Variants in FIBCD1 observed in about 807,000 individuals in gnomAD.
FIBCD1 encodes the protein fibrinogen C domain-containing protein 1.
In FIBCD1, 47 loss-of-function variants were observed where a neutral mutation model predicts 45.1. The observed-to-expected ratio is 1.04, with a 90% CI of 0.82 to 1.33. FIBCD1 has a LOEUF of 1.33. Ranked by LOEUF, FIBCD1 falls within the 40% of genes most tolerant of loss-of-function variation. FIBCD1 has a pLI of 0.00. For missense variants in FIBCD1, 653 were observed against 682.2 expected (o/e 0.96, Z 0.48); for synonymous variants, 313 against 308.1 (o/e 1.02, Z -0.17).
At chr9:130,911,218 G>A (rs1320450840) in intron 5 of FIBCD1, among the ~76,000 whole-genome samples, 2 of 152,152 alleles carry the variant, frequency 1.3e-5, no homozygotes, top group African/African-American at 2.4e-5. Context: ...CCACCAGAAG[G>A]AAGAAACTCC....
At chr9:130,937,504 G>A (rs945598003) in intron 1 of FIBCD1, among the ~76,000 whole-genome samples, 3 of 152,230 alleles carry the variant, frequency 2.0e-5, no homozygotes, top group Non-Finnish European at 4.4e-5. Flanking sequence ...TGTCACACCA[G>A]GAAGAATGAG....
chr9:130,918,379 G>T (rs1832201535), intron 4 of FIBCD1, among the ~76,000 whole-genome samples: 1 of 152,182 alleles, frequency 6.6e-6, no homozygotes. Context: ...ATGGGGGGTG[G>T]GTGGGTCCAA....
intron 5 of FIBCD1, among the ~76,000 whole-genome samples, chr9:130,909,080 C>T (rs959212497): frequency 6.6e-6 from 1 of 152,114 alleles, no homozygotes; most frequent in Non-Finnish European, 1.5e-5. Context: ...CGCAGGCCCA[C>T]CCTCTCCTTC....
At chr9:130,939,572 G>T (rs1039890936), upstream of FIBCD1, among the ~76,000 whole-genome samples, 4 of 151,998 alleles carry the variant, frequency 2.6e-5, no homozygotes, top group Non-Finnish European at 4.4e-5. Context: ...TGCCCGGGCG[G>T]CCCGTGGGCG....
chr9:130,929,431 T>C (rs776087375), intron 2 of FIBCD1, 136 bp downstream of exon 2: 30 of 1,165,960 alleles, frequency 2.6e-5, no homozygotes, highest in Non-Finnish European at 3.2e-5. Context: ...TGTCTGTAGA[T>C]GGGAACAGCA....
At chr9:130,925,131 C>T (rs931820506) in intron 2 of FIBCD1, among the ~76,000 whole-genome samples, 7 of 152,176 alleles carry the variant, frequency 4.6e-5, no homozygotes, top group Non-Finnish European at 8.8e-5. Context: ...CCCACCCCCA[C>T]TCCCCATGCA....
Position 130,902,854 on chromosome 9 carries a change from C to G in FIBCD1, c.*1210G>C, listed in dbSNP as rs1156984015. The G allele has an allele frequency of 6.6e-6, 1 of 152,394 alleles. No individual in the cohort carries two copies. The highest frequency in any genetic ancestry group is 1.9e-4 in the East Asian group (1 of 5,204). 9.4% of individuals were successfully genotyped at this position (152,394 alleles called of 1,614,324 possible). On this transcript the variant is annotated 3_prime_UTR_variant, in exon 7 of 7. Transcript: ENST00000372338. ...CGGGTCTCACCTCTGCATGTGTGCA[C>G]ACAAGGAGTGGGGATGACAGCGTGC...
chr9:130,910,975 TC>T (rs1832026502), intron 5 of FIBCD1, among the ~76,000 whole-genome samples: 2 of 152,188 alleles, frequency 1.3e-5, no homozygotes, highest in Non-Finnish European at 2.9e-5. Flanking sequence ...AACGCACCAA[TC>T]AGCCCCCTGT....
intron 4 of FIBCD1, 51 bp from the exon 5 acceptor site, chr9:130,911,939 CGCA>C (rs1832060911): frequency 3.3e-6 from 5 of 1,506,536 alleles, no homozygotes; most frequent in Non-Finnish European, 4.5e-6. Flanking sequence ...TCCCAGGACT[CGCA>C]GCCCACCTGG....
chr9:130,907,343 C>G (rs892105746), intron 5 of FIBCD1, among the ~76,000 whole-genome samples: 1 of 152,216 alleles, frequency 6.6e-6, no homozygotes, highest in Admixed American at 6.5e-5. Context: ...CGCCTCCCTG[C>G]CCTTGCTCTT....
intron 1 of FIBCD1, 87 bp downstream of exon 1, chr9:130,938,448 GC>G: frequency 2.5e-6 from 3 of 1,182,090 alleles, no homozygotes; most frequent in South Asian, 1.8e-5. Flanking sequence ...CCAAACTCCA[GC>G]CCCCGCAATG....
intron 1 of FIBCD1, among the ~76,000 whole-genome samples, chr9:130,935,425 G>A (rs1430434188): frequency 6.6e-6 from 1 of 152,216 alleles, no homozygotes; most frequent in East Asian, 1.9e-4. Flanking sequence ...CCAAGGGCGT[G>A]AGAGGCTCCT....
chr9:130,930,930 C>G, intron 1 of FIBCD1: 1 of 425,796 alleles, frequency 2.3e-6, no homozygotes, highest in Non-Finnish European at 4.8e-6. Flanking sequence ...AGCGGGCACC[C>G]ATCACGGAAG....
chr9:130,940,113 A>G (rs531626253), upstream of FIBCD1, among the ~76,000 whole-genome samples: 806 of 152,196 alleles, frequency 5.3e-3, 6 homozygotes, highest in African/African-American at 0.019. Context: ...ACTGGCTGCC[A>G]GTCTGTCGCC....
intron 1 of FIBCD1, chr9:130,938,101 G>A (rs575354982): frequency 1.3e-5 from 2 of 159,374 alleles, no homozygotes; most frequent in South Asian, 3.7e-4. Context: ...CAGGGGGTCA[G>A]GTTCAGGACC....
chr9:130,918,875 A>G (rs1009011687), intron 4 of FIBCD1, among the ~76,000 whole-genome samples: 4 of 152,226 alleles, frequency 2.6e-5, no homozygotes, highest in Non-Finnish European at 5.9e-5. Flanking sequence ...AAGCCCGCGC[A>G]GGGCCGGTGG....
At chr9:130,924,175 T>A (rs1670924886) in intron 3 of FIBCD1, 62 bp downstream of exon 3, 25 of 1,480,436 alleles carry the variant, frequency 1.7e-5, no homozygotes, top group Non-Finnish European at 2.2e-5. Context: ...TCACCCCAAC[T>A]TCCCCGCTCC....
upstream of FIBCD1, among the ~76,000 whole-genome samples, chr9:130,940,345 G>T (rs1358441700): frequency 2.0e-5 from 3 of 152,272 alleles, no homozygotes; most frequent in Non-Finnish European, 4.4e-5. Flanking sequence ...CAGGACAACC[G>T]CTGGCCTCAC....
At chr9:130,916,818 CTG>C (rs1832168790) in intron 4 of FIBCD1, among the ~76,000 whole-genome samples, 1 of 152,262 alleles carries the variant, frequency 6.6e-6, no homozygotes, top group African/African-American at 2.4e-5. Flanking sequence ...GGTGGGGAGT[CTG>C]GGCGCGGTGG....
Sources: gnomAD v4.1 joint callset for allele counts (sites outside exome capture counted in the v4.1 genomes callset) on GRCh38, gnomAD v4.1.1 for gene constraint, MANE v1.5 for transcripts, NCBI Gene and HGNC (gene_info 2026-07-23, HGNC 2026-07-21) for gene names.